ZYG11A: variants seen among roughly 807,000 people sequenced by gnomAD.
ZYG11A encodes protein zyg-11 homolog A.
Under a neutral mutation model 77.2 loss-of-function variants are expected in ZYG11A, and 62 were observed. The observed-to-expected ratio is 0.80, with a 90% CI of 0.65 to 0.99. ZYG11A has a LOEUF of 0.99. Among genes scored for constraint, ZYG11A ranks in the 50% least tolerant of loss-of-function variants. ZYG11A has a pLI of 0.00. For missense variants in ZYG11A, 828 were observed against 896.8 expected, an observed-to-expected ratio of 0.92 and a Z score of 0.98; for synonymous variants, 315 against 324.6, an observed-to-expected ratio of 0.97 and a Z score of 0.32.
In ZYG11A at chr1:52,878,052, GT is replaced by G. The variant is rs1275688214; in HGVS notation, c.1749+84del. 3.4e-6 allele frequency: 4 copies of G among 1,170,574 alleles called. No individual in the cohort carries two copies. The African/African-American group carries it at 6.2e-5, about 18-fold the overall frequency. 72.5% of individuals were successfully genotyped at this position (1,170,574 alleles called of 1,614,324 possible). A position where few individuals can be genotyped will look rare whatever the true frequency, so the allele number is the denominator to read the frequency against. ...TATAGTACCTACTATATGCTAGGCA[GT>G]ATTGTAAGCAATTTACATGTATAAA... On this transcript the variant is annotated intron_variant, in intron 10 of 13. Coordinates refer to ENST00000371528, the MANE Select transcript of ZYG11A (RefSeq NM_001004339.3).
Position 52,861,594 on chromosome 1 carries a change from C to T in ZYG11A, c.1149+723C>T, listed in dbSNP as rs531226126. Among the ~76,000 whole-genome samples the T allele has an allele frequency of 2.6e-5, 4 of 152,180 alleles. No homozygotes were observed. In the East Asian group the frequency reaches 7.7e-4, roughly 29 times the overall value. ...TGGCGCACTCCTATAGTCCCAGCTACTTGGGAGACTGAGGCAGGAGAATCG... is the reference window on the plus strand; with the variant it reads ...TGGCGCACTCCTATAGTCCCAGCTATTTGGGAGACTGAGGCAGGAGAATCG... On this transcript the variant is annotated intron_variant, in intron 4 of 13. Transcript: ENST00000371528.
intron 10 of ZYG11A, 115 bp downstream of exon 10, chr1:52,878,084 T>G: frequency 1.2e-6 from 1 of 858,440 alleles, no homozygotes; most frequent in Admixed American, 2.4e-5. Flanking sequence ...ATAAACTCAT[T>G]TAATCTTTAC....
chr1:52,892,761 C>T (rs1354604924), intron 13 of ZYG11A, 21 bp from the exon 14 acceptor site: 1 of 1,549,882 alleles, frequency 6.5e-7, no homozygotes, highest in Admixed American at 2.0e-5. Context: ...CATGGAGTGT[C>T]TCTGCTTGAT....
chr1:52,846,328 A>T (rs1463565181), intron 1 of ZYG11A, among the ~76,000 whole-genome samples: 148 of 7,740 alleles, frequency 0.019, 7 homozygotes, highest in African/African-American at 0.083. Flanking sequence ...ATATATATAT[A>T]TATATATATA....
chr1:52,879,532 G>A (rs1646324766), intron 10 of ZYG11A, among the ~76,000 whole-genome samples: 1 of 152,034 alleles, frequency 6.6e-6, no homozygotes, highest in Admixed American at 6.6e-5. Flanking sequence ...TATAAAGAAG[G>A]GACAAAGTCA....
chr1:52,887,968 G>A (rs1646478857), intron 13 of ZYG11A, among the ~76,000 whole-genome samples: 1 of 152,078 alleles, frequency 6.6e-6, no homozygotes, highest in Non-Finnish European at 1.5e-5. Flanking sequence ...AAACCCAAGA[G>A]ACAACTTTTA....
chr1:52,850,969 T>C (rs555696335), intron 1 of ZYG11A, among the ~76,000 whole-genome samples: 1 of 152,362 alleles, frequency 6.6e-6, no homozygotes, highest in South Asian at 2.1e-4. Flanking sequence ...TCATGTCTGA[T>C]ATTTTATTGT....
chr1:52,877,589 C>A, intron 8 of ZYG11A, 93 bp from the exon 9 acceptor site: 1 of 1,109,992 alleles, frequency 9.0e-7, no homozygotes, highest in Non-Finnish European at 1.3e-6. Context: ...GGTTTAGAAC[C>A]GAGGTTTGAT....
chr1:52,856,296 G>A (rs1403134802), intron 2 of ZYG11A, among the ~76,000 whole-genome samples: 2 of 151,878 alleles, frequency 1.3e-5, no homozygotes, highest in African/African-American at 4.8e-5. Flanking sequence ...TACATAACAT[G>A]GAATCTCACC....
In ZYG11A at chr1:52,892,849, CAG is replaced by C; in HGVS notation, c.2173_2174del (p.Ser725Ter). The C allele has an allele frequency of 6.4e-7, 1 of 1,551,672 alleles. No individual in the cohort carries two copies. Among genetic ancestry groups the C allele is most frequent in the Non-Finnish European group, 8.7e-7 (1 of 1,146,966 alleles). On this transcript the variant is annotated frameshift_variant, in exon 14 of 14. Coordinates refer to ENST00000371528, the MANE Select transcript of ZYG11A (RefSeq NM_001004339.3). LOFTEE classifies it low-confidence loss of function (END_TRUNC). ...AGCTTTTGTGTGATATCCAGGAGCA[CAG>C]TGAGGCAACCCCCAAAGCACAGCAG... is the stretch of plus-strand genomic sequence containing the variant. Reference protein sequence around the residue: ...LQLLCDIQEHSEATPKAQQIA... With the variant: ...LQLLCDIQEHXEATPKAQQIA...
Position 52,854,638 on chromosome 1 carries a change from T to A in ZYG11A, c.256+8T>A. 1 of 1,517,194 alleles carries A rather than the reference T, an allele frequency of 6.6e-7. No individual in the cohort carries two copies. The highest frequency in any genetic ancestry group is 8.9e-7 in the Non-Finnish European group (1 of 1,123,520). The allele number at this position is 1,517,194 out of a possible 1,614,324, so 94.0% of individuals were successfully genotyped here. ...GGGTGATGACTTGGCAAGGTAGTGA[T>A]AAGGCTTCTCTAAAGTCAGCTCTTG... On this transcript the variant is annotated splice_region_variant and intron_variant, in intron 2 of 13. Transcript: ENST00000371528.
intron 8 of ZYG11A, among the ~76,000 whole-genome samples, chr1:52,872,498 G>T (rs540141879): frequency 3.3e-5 from 5 of 152,176 alleles, no homozygotes; most frequent in African/African-American, 1.2e-4. Flanking sequence ...ATATTTTCCT[G>T]CTTGTTATAC....
chr1:52,890,677 GCTC>G (rs1168569581), intron 13 of ZYG11A, among the ~76,000 whole-genome samples: 1 of 151,796 alleles, frequency 6.6e-6, no homozygotes, highest in African/African-American at 2.4e-5. Context: ...CACAGTCACA[GCTC>G]ACTGCTGCTT....
At chr1:52,862,478 C>A (rs1315787564) in intron 4 of ZYG11A, among the ~76,000 whole-genome samples, 1 of 151,292 alleles carries the variant, frequency 6.6e-6, no homozygotes, top group South Asian at 2.1e-4. Context: ...CGCCCAGCTA[C>A]TTTTTTGTAT....
chr1:52,869,846 C>A (rs546027134), intron 8 of ZYG11A, among the ~76,000 whole-genome samples: 3 of 151,002 alleles, frequency 2.0e-5, no homozygotes, highest in Admixed American at 6.6e-5. Context: ...CCTCACCTCC[C>A]GGACGGGACG....
At chr1:52,876,072 G>A (rs1490134251) in intron 8 of ZYG11A, among the ~76,000 whole-genome samples, 1 of 152,096 alleles carries the variant, frequency 6.6e-6, no homozygotes, top group Non-Finnish European at 1.5e-5. Context: ...AAGAGTGGGT[G>A]TATTTCTCAA....
intron 1 of ZYG11A, among the ~76,000 whole-genome samples, chr1:52,851,946 G>T (rs1645721583): frequency 6.9e-6 from 1 of 145,614 alleles, no homozygotes; most frequent in Non-Finnish European, 1.5e-5. Context: ...ATGGAGTCTT[G>T]CACTGTCACC....
intron 3 of ZYG11A, among the ~76,000 whole-genome samples, chr1:52,858,619 A>ATTAT (rs1553121475): frequency 1.4e-5 from 2 of 141,026 alleles, no homozygotes; most frequent in African/African-American, 5.3e-5. Flanking sequence ...TATTATTATT[A>ATTAT]TTTTTTTTTG....
intron 13 of ZYG11A, among the ~76,000 whole-genome samples, chr1:52,890,154 C>T (rs1646518900): frequency 6.7e-6 from 1 of 150,174 alleles, no homozygotes; most frequent in Non-Finnish European, 1.5e-5. Context: ...CACCCCACCC[C>T]TATTCTTACT....
Sources: gnomAD v4.1 joint callset for allele counts (sites outside exome capture counted in the v4.1 genomes callset) on GRCh38, gnomAD v4.1.1 for gene constraint, MANE v1.5 for transcripts, NCBI Gene and HGNC (gene_info 2026-07-23, HGNC 2026-07-21) for gene names.